Variants in CACNA1C observed in about 807,000 individuals in gnomAD.
CACNA1C encodes the protein calcium voltage-gated channel subunit alpha1 C, also known as voltage-dependent L-type calcium channel subunit alpha-1C.
A neutral mutation model predicts 229.0 loss-of-function variants in CACNA1C; 30 were observed. The ratio of observed to expected loss-of-function variants is 0.13; its 90% confidence interval spans 0.10 to 0.18. CACNA1C has a LOEUF of 0.18. Ranked by LOEUF, CACNA1C falls within the 10% of genes least tolerant of loss-of-function variation. CACNA1C has a pLI of 1.00. For synonymous variants in CACNA1C, 1,114 were observed against 1,132.5 expected, an observed-to-expected ratio of 0.98 and a Z score of 0.33; for missense variants, 1,658 against 2,845.0, an observed-to-expected ratio of 0.58 and a Z score of 9.49.
chr12:2,448,850 C>A, intron 3 of CACNA1C, 126 bp from the exon 4 acceptor site: 1 of 725,642 alleles, frequency 1.4e-6, no homozygotes, highest in Non-Finnish European at 2.2e-6. Flanking sequence ...TGGGTGTCCC[C>A]ACTTGGTTCC....
At chr12:2,406,284 C>T (rs774453015) in intron 3 of CACNA1C, among the ~76,000 whole-genome samples, 13 of 152,148 alleles carry the variant, frequency 8.5e-5, no homozygotes, top group Non-Finnish European at 2.9e-5. Context: ...CTTCTTGAAT[C>T]TGTAGGTTTA....
intron 3 of CACNA1C, among the ~76,000 whole-genome samples, chr12:2,166,726 C>T (rs1328915067): frequency 6.6e-6 from 1 of 152,100 alleles, no homozygotes; most frequent in Non-Finnish European, 1.5e-5. Flanking sequence ...TACAGGCACT[C>T]AATAAAAGTT....
At chr12:2,577,950 G>A (rs533029939) in intron 13 of CACNA1C, among the ~76,000 whole-genome samples, 11 of 150,710 alleles carry the variant, frequency 7.3e-5, no homozygotes, top group African/African-American at 2.7e-4. Context: ...CTCACTGCAA[G>A]CTCCGCCTCC....
chr12:2,327,256 A>AATTTTC (rs1297677257), intron 3 of CACNA1C, among the ~76,000 whole-genome samples: 1 of 152,242 alleles, frequency 6.6e-6, no homozygotes, highest in African/African-American at 2.4e-5. Context: ...TGTTCTTCTC[A>AATTTTC]ATTTTCCGCT....
intron 3 of CACNA1C, among the ~76,000 whole-genome samples, chr12:2,265,155 C>T (rs2081873971): frequency 6.6e-6 from 1 of 152,194 alleles, no homozygotes; most frequent in African/African-American, 2.4e-5. Context: ...CTGAGGGAGG[C>T]CCTTGGCCTG....
At chr12:2,628,273 AC>A (rs2088192078) in intron 29 of CACNA1C, among the ~76,000 whole-genome samples, 1 of 152,062 alleles carries the variant, frequency 6.6e-6, no homozygotes, top group Non-Finnish European at 1.5e-5. Flanking sequence ...CCCTGCCACC[AC>A]CCCTCTCGAT....
chr12:2,140,745 G>C (rs535551883), intron 3 of CACNA1C, among the ~76,000 whole-genome samples: 9 of 151,528 alleles, frequency 5.9e-5, no homozygotes, highest in African/African-American at 1.9e-4. Context: ...TGCCTACTGT[G>C]TACCAGGCTA....
intron 3 of CACNA1C, among the ~76,000 whole-genome samples, chr12:2,437,828 GTGGTGGTAATGATGGTGGTGATGA>G (rs1274632493): frequency 1.4e-5 from 2 of 147,770 alleles, no homozygotes; most frequent in South Asian, 2.2e-4. Context: ...GGTGGTAATG[GTGGTGGTAATGATGGTGGTGATGA>G]TGGTGGTGAT....
In CACNA1C at chr12:2,653,543, G is replaced by A. The variant is rs925798602; in HGVS notation, c.4075-292G>A. 1.3e-5 allele frequency among the ~76,000 whole-genome samples: 2 copies of A among 152,164 alleles called. No individual in the cohort carries two copies. Among genetic ancestry groups the A allele is most frequent in the African/African-American group, 4.8e-5 (2 of 41,450 alleles). Reference sequence around the variant, plus strand: ...TGCCTCGTACAGACACACCGCACATGTGTAGTCGGAGGAGGTTTTGCTCGT... The same window carrying A: ...TGCCTCGTACAGACACACCGCACATATGTAGTCGGAGGAGGTTTTGCTCGT... On this transcript the variant is annotated intron_variant, in intron 32 of 46. Transcript: ENST00000399655. The surrounding 1 kb of genome is among the most constrained non-coding windows in gnomAD (Gnocchi z 4.7).
intron 3 of CACNA1C, among the ~76,000 whole-genome samples, chr12:2,135,492 A>T (rs2093225920): frequency 7.5e-6 from 1 of 133,766 alleles, no homozygotes; most frequent in Non-Finnish European, 1.6e-5. Flanking sequence ...TTTGGTGTGG[A>T]TGTCCTTTCT....
intron 3 of CACNA1C, among the ~76,000 whole-genome samples, chr12:2,208,124 T>C (rs2097806385): frequency 6.6e-6 from 1 of 152,182 alleles, no homozygotes; most frequent in Non-Finnish European, 1.5e-5. Context: ...TTTAGCAGTT[T>C]CTCAATGAAT....
At chr12:2,264,865 G>T (rs926123056) in intron 3 of CACNA1C, among the ~76,000 whole-genome samples, 2 of 152,320 alleles carry the variant, frequency 1.3e-5, no homozygotes, top group African/African-American at 2.4e-5. Flanking sequence ...TTCTCCATTT[G>T]CCAGAGTCCA....
rs767662200 is a variant in CACNA1C, at chr12:2,694,813, A to G, written c.*3614A>G. 6.6e-6 allele frequency: 1 copy of G among 152,210 alleles called. No homozygotes were observed. The highest frequency in any genetic ancestry group is 1.5e-5 in the Non-Finnish European group (1 of 68,054). 9.4% of individuals were successfully genotyped at this position (152,210 alleles called of 1,614,324 possible). A position where few individuals can be genotyped will look rare whatever the true frequency, so the allele number is the denominator to read the frequency against. ...AAATGAGGACTTTGGAAGTCACCCA[A>G]AAGATGGTGGCTACTTTATGGAGTC... On this transcript the variant is annotated 3_prime_UTR_variant, in exon 47 of 47. Coordinates refer to ENST00000399655, the MANE Select transcript of CACNA1C (RefSeq NM_000719.7).
intron 1 of CACNA1C, among the ~76,000 whole-genome samples, chr12:2,089,634 A>G (rs1335907247): frequency 1.3e-5 from 2 of 152,230 alleles, no homozygotes; most frequent in Non-Finnish European, 2.9e-5. Flanking sequence ...AAACTGTGGT[A>G]AAAAGTACGT....
chr12:2,354,978 TGA>T lies in CACNA1C; in HGVS notation c.478-93996_478-93995del, dbSNP rs2097313598. On this transcript the variant is annotated intron_variant, in intron 3 of 46. Transcript: ENST00000399655. The surrounding 1 kb of genome is among the most constrained non-coding windows in gnomAD (Gnocchi z 4.6). The stretch of plus-strand genomic sequence containing the variant: ...AAGCCAAATCCTGGAGGTGCAGGTG[TGA>T]GGATGGGTCTGGGTGTGGGGTGGGG... Among the ~76,000 whole-genome samples the T allele has an allele frequency of 6.6e-6, 1 of 151,180 alleles. No homozygotes were observed. The highest frequency in any genetic ancestry group is 6.6e-5 in the Admixed American group (1 of 15,200).
chr12:2,179,613 G>T (rs1241428358), intron 3 of CACNA1C, among the ~76,000 whole-genome samples: 1 of 152,218 alleles, frequency 6.6e-6, no homozygotes, highest in Non-Finnish European at 1.5e-5. Flanking sequence ...TAGAATATTG[G>T]CTCCAGACCT....
intron 34 of CACNA1C, among the ~76,000 whole-genome samples, chr12:2,663,735 CTTTTTTT>C (rs55933898): frequency 0.044 from 4,533 of 103,870 alleles, 83 homozygotes; most frequent in Non-Finnish European, 0.059. Context: ...AATAGAGTAT[CTTTTTTT>C]TTTTTTTTTT....
intron 5 of CACNA1C, among the ~76,000 whole-genome samples, chr12:2,483,116 A>T (rs1259838407): frequency 6.6e-6 from 1 of 152,232 alleles, no homozygotes; most frequent in Admixed American, 6.5e-5. Flanking sequence ...AGACTCAAGG[A>T]GCTCTCAGCG....
intron 5 of CACNA1C, among the ~76,000 whole-genome samples, chr12:2,478,020 T>C (rs955114050): frequency 2.0e-5 from 3 of 152,032 alleles, no homozygotes; most frequent in Non-Finnish European, 2.9e-5. Context: ...GTGGTGACTA[T>C]TGGACTCTTA....
Sources: gnomAD v4.1 joint callset for allele counts (sites outside exome capture counted in the v4.1 genomes callset) on GRCh38, gnomAD v4.1.1 for gene constraint, Gnocchi (gnomAD v3.1) non-coding constraint, MANE v1.5 for transcripts, NCBI Gene and HGNC (gene_info 2026-07-23, HGNC 2026-07-21) for gene names.